SFMBT1: variants seen among roughly 807,000 people sequenced by gnomAD.
SFMBT1 encodes scm-like with four MBT domains protein 1.
A neutral mutation model predicts 108.7 loss-of-function variants in SFMBT1; 32 were observed. That is an observed-to-expected ratio of 0.29 (90% CI 0.22 to 0.40). The LOEUF (loss-of-function observed/expected upper bound fraction) is 0.40, where lower values mean the gene tolerates loss of function less well. Among genes scored for constraint, SFMBT1 ranks in the 10% least tolerant of loss-of-function variants. The pLI is 1.00. For synonymous variants in SFMBT1, 348 were observed against 369.5 expected, an observed-to-expected ratio of 0.94 and a Z score of 0.67; for missense variants, 816 against 1,059.6, an observed-to-expected ratio of 0.77 and a Z score of 3.19.
chr3:52,928,653 T>C (rs867918732), intron 8 of SFMBT1, among the ~76,000 whole-genome samples: 358 of 17,994 alleles, frequency 0.02, 7 homozygotes, highest in Middle Eastern at 0.05. Flanking sequence ...TATATATATA[T>C]ACACATATAT....
At chr3:52,984,523 CTTG>C (rs1704834897) in intron 1 of SFMBT1, among the ~76,000 whole-genome samples, 1 of 151,966 alleles carries the variant, frequency 6.6e-6, no homozygotes, top group African/African-American at 2.4e-5. Flanking sequence ...TTTATGCTGC[CTTG>C]TTTTTTAACA....
At chr3:52,978,440 T>C (rs1300845426) in intron 1 of SFMBT1, among the ~76,000 whole-genome samples, 1 of 152,082 alleles carries the variant, frequency 6.6e-6, no homozygotes, top group Non-Finnish European at 1.5e-5. Flanking sequence ...ACCCCCCACC[T>C]ACAGCCCTTA....
In SFMBT1 at chr3:52,921,913, T is replaced by C. The variant is rs1217846063; in HGVS notation, c.1132-82A>G. The C allele has an allele frequency of 3.8e-6, 5 of 1,331,362 alleles. 1 individual carries two copies. Among genetic ancestry groups the C allele is most frequent in the Non-Finnish European group, 5.4e-6 (5 of 932,472 alleles). 82.5% of individuals were successfully genotyped at this position (1,331,362 alleles called of 1,614,324 possible). On this transcript the variant is annotated intron_variant, in intron 10 of 20. Transcript: ENST00000394752. The stretch of plus-strand genomic sequence containing the variant: ...GCTCAGCTAGAAAACCTTTTTCAAG[T>C]AGTACTTAATCCCTAGGTTTAAAGA...
chr3:52,965,048 C>G (rs1215008015), intron 2 of SFMBT1, among the ~76,000 whole-genome samples: 2 of 152,010 alleles, frequency 1.3e-5, no homozygotes, highest in Non-Finnish European at 2.9e-5. Flanking sequence ...CTAAAATTAA[C>G]CAAAGGCAGA....
At position 52,906,146 on chromosome 3, in the gene SFMBT1, G is replaced by T; in HGVS notation, c.2427C>A (p.Asp809Glu). The change falls in exon 20 of 21, where the codon GAC becomes GAA. Residue 809 changes from aspartate (D) to glutamate (E), a missense_variant. Physicochemically the swap from Asp to Glu is conservative, Grantham distance 45. Transcript: ENST00000394752. ...ADVVRFIRSTDCAPLARIFLD... is the reference protein window; with the variant it reads ...ADVVRFIRSTECAPLARIFLD... ...GGAATATTCTTGCTAATGGAGCACAGTCAGTGGATCTGATGAACCGCACAA... is the reference window on the plus strand; with the variant it reads ...GGAATATTCTTGCTAATGGAGCACATTCAGTGGATCTGATGAACCGCACAA... The T allele has an allele frequency of 6.2e-7, 1 of 1,614,144 alleles. No homozygotes were observed. The highest frequency in any genetic ancestry group is 8.5e-7 in the Non-Finnish European group (1 of 1,179,988).
At chr3:52,997,492 T>C (rs1021885177) in intron 1 of SFMBT1, among the ~76,000 whole-genome samples, 1 of 146,684 alleles carries the variant, frequency 6.8e-6, no homozygotes, top group Non-Finnish European at 1.5e-5. Flanking sequence ...GCCGAGATCA[T>C]GCCACTGCAC....
At chr3:52,930,212 AC>A in intron 8 of SFMBT1, 116 bp downstream of exon 8, 2 of 663,796 alleles carry the variant, frequency 3.0e-6, no homozygotes, top group Admixed American at 5.2e-5. Flanking sequence ...TTCTAGCTGC[AC>A]GGCCTAGAAG....
chr3:52,967,827 T>C (rs900765846), intron 2 of SFMBT1, among the ~76,000 whole-genome samples: 2 of 152,200 alleles, frequency 1.3e-5, no homozygotes, highest in East Asian at 1.9e-4. Flanking sequence ...CAACACCAGA[T>C]AGCAGTGAGG....
chr3:52,931,887 A>G (rs1317945383), intron 6 of SFMBT1, among the ~76,000 whole-genome samples, 175 bp downstream of exon 6: 4 of 152,124 alleles, frequency 2.6e-5, no homozygotes, highest in African/African-American at 9.7e-5. Flanking sequence ...AACAACAACA[A>G]AAAAGAAAAA....
At chr3:52,942,424 T>C (rs1017285522) in intron 4 of SFMBT1, among the ~76,000 whole-genome samples, 2 of 152,214 alleles carry the variant, frequency 1.3e-5, no homozygotes, top group African/African-American at 4.8e-5. Flanking sequence ...GCAAAAAGTC[T>C]CCAATAATTT....
At chr3:52,930,261 A>C in intron 8 of SFMBT1, 68 bp downstream of exon 8, 1 of 957,840 alleles carries the variant, frequency 1.0e-6, no homozygotes, top group East Asian at 2.4e-5. Flanking sequence ...AAAGATCAAA[A>C]CACTACCCAT....
At chr3:52,913,121 A>C (rs1575367500) in intron 15 of SFMBT1, among the ~76,000 whole-genome samples, 1 of 152,218 alleles carries the variant, frequency 6.6e-6, no homozygotes, top group Non-Finnish European at 1.5e-5. Flanking sequence ...AAGAACAGAA[A>C]GCCCAGCAGA....
intron 2 of SFMBT1, among the ~76,000 whole-genome samples, chr3:52,965,288 C>A (rs1045904243): frequency 6.8e-6 from 1 of 147,774 alleles, no homozygotes; most frequent in Non-Finnish European, 1.5e-5. Flanking sequence ...GACAAAACAA[C>A]AGAAAAAACC....
At chr3:53,000,772 C>T (rs539465878) in intron 1 of SFMBT1, among the ~76,000 whole-genome samples, 1 of 150,214 alleles carries the variant, frequency 6.7e-6, no homozygotes, top group African/African-American at 2.4e-5. Context: ...TTTGACCCAA[C>T]ACCCCTTCTA....
At chr3:53,022,396 G>C (rs898786545) in intron 1 of SFMBT1, among the ~76,000 whole-genome samples, 1 of 143,102 alleles carries the variant, frequency 7.0e-6, no homozygotes, top group African/African-American at 2.6e-5. Context: ...GCTGCAGTCA[G>C]CCATGATCAC....
chr3:53,015,566 T>A (rs1481313672), intron 1 of SFMBT1, among the ~76,000 whole-genome samples: 1 of 152,162 alleles, frequency 6.6e-6, no homozygotes, highest in Non-Finnish European at 1.5e-5. Flanking sequence ...ATAAATAAGA[T>A]GTGACATAGC....
chr3:52,994,735 G>T lies in SFMBT1; in HGVS notation c.-130-25477C>A, dbSNP rs183219415. Among the ~76,000 whole-genome samples, 11 of 150,136 alleles carry T rather than the reference G, an allele frequency of 7.3e-5. No homozygotes were observed. In the Admixed American group the frequency reaches 7.4e-4, roughly 10 times the overall value. ...GGCTGGTCTCAAACTCCCGACCTCA[G>T]GTGATCTGCCCACCTTGGCTTCCCA... On this transcript the variant is annotated intron_variant, in intron 1 of 20. Coordinates refer to ENST00000394752, the MANE Select transcript of SFMBT1 (RefSeq NM_016329.4).
intron 1 of SFMBT1, chr3:53,017,998 C>T (rs1019625558): frequency 6.6e-6 from 1 of 152,138 alleles, no homozygotes; most frequent in Non-Finnish European, 1.5e-5. Flanking sequence ...TTTGAGAAGC[C>T]GAGGCGGGTG....
chr3:53,033,248 C>T (rs2106961264), intron 1 of SFMBT1, among the ~76,000 whole-genome samples: 1 of 152,118 alleles, frequency 6.6e-6, no homozygotes, highest in East Asian at 1.9e-4. Context: ...GCAGTCTCCG[C>T]CTCCCAGGTT....
Sources: allele counts gnomAD v4.1 joint callset (sites outside exome capture counted in the v4.1 genomes callset), GRCh38; gene constraint gnomAD v4.1.1; transcripts MANE v1.5; gene names NCBI Gene and HGNC (gene_info 2026-07-23, HGNC 2026-07-21).